Variants in CPA6 observed in about 807,000 individuals in gnomAD.
The protein encoded by CPA6 is carboxypeptidase A6, also known as carboxypeptidase B.
In CPA6, 58 loss-of-function variants were observed where a neutral mutation model predicts 63.3. That is an observed-to-expected ratio of 0.92 (90% CI 0.74 to 1.14). CPA6 has a LOEUF of 1.14. Among genes scored for constraint, CPA6 ranks in the 50% most tolerant of loss-of-function variants. The pLI is 0.00. For missense variants in CPA6, 565 were observed against 526.6 expected (o/e 1.07, Z -0.71); for synonymous variants, 185 against 179.0 (o/e 1.03, Z -0.27).
At chr8:67,677,397 G>A (rs1425369167) in intron 1 of CPA6, among the ~76,000 whole-genome samples, 1 of 145,668 alleles carries the variant, frequency 6.9e-6, no homozygotes, top group African/African-American at 2.6e-5. Flanking sequence ...TATTGTTCTG[G>A]GATCCAGAAT....
Position 67,461,049 on chromosome 8 carries a change from C to CTTT in CPA6, c.838+22716_838+22718dup, listed in dbSNP as rs111558015. Among the ~76,000 whole-genome samples the CTTT allele has an allele frequency of 1.4e-3, 191 of 139,260 alleles. 1 individual carries two copies. Among genetic ancestry groups the CTTT allele is most frequent in the African/African-American group, 4.2e-3 (161 of 38,464 alleles). The allele number at this position is 139,260 out of a possible 152,430, so 91.4% of individuals were successfully genotyped here. On this transcript the variant is annotated intron_variant, in intron 8 of 10. Transcript: ENST00000297770. ...TGGTGGAAGGAGCATAATTCGATTT[C>CTTT]TTTTTTTTTTTTTTTAATTTTAATT...
chr8:67,652,758 T>C (rs1265048703), intron 1 of CPA6, among the ~76,000 whole-genome samples: 1 of 152,148 alleles, frequency 6.6e-6, no homozygotes, highest in Admixed American at 6.5e-5. Context: ...ATCCCATTTG[T>C]CAATTTTGGC....
At chr8:67,594,848 G>T (rs1450681251) in intron 2 of CPA6, among the ~76,000 whole-genome samples, 2 of 152,162 alleles carry the variant, frequency 1.3e-5, no homozygotes, top group African/African-American at 4.8e-5. Context: ...GCTCAGAGTA[G>T]TTTGATCGTC....
chr8:67,483,127 T>A (rs1012400823), intron 8 of CPA6, among the ~76,000 whole-genome samples: 1 of 152,214 alleles, frequency 6.6e-6, no homozygotes, highest in Non-Finnish European at 1.5e-5. Flanking sequence ...ATTTTGATAA[T>A]AATTTTCCAT....
chr8:67,523,587 G>C (rs1812302952), intron 2 of CPA6, among the ~76,000 whole-genome samples: 1 of 152,126 alleles, frequency 6.6e-6, no homozygotes, highest in Non-Finnish European at 1.5e-5. Flanking sequence ...TTCATTAAAT[G>C]ATAAATAATT....
intron 2 of CPA6, among the ~76,000 whole-genome samples, chr8:67,552,597 C>A (rs1325331686): frequency 1.3e-5 from 2 of 151,678 alleles, no homozygotes; most frequent in African/African-American, 2.4e-5. Context: ...CACAGTGAAA[C>A]CCCGCCTCTA....
chr8:67,680,867 CTA>C (rs1816576981), intron 1 of CPA6, among the ~76,000 whole-genome samples: 1 of 152,154 alleles, frequency 6.6e-6, no homozygotes, highest in Admixed American at 6.5e-5. Context: ...ACTCTAATGA[CTA>C]ATTATATTGA....
intron 2 of CPA6, among the ~76,000 whole-genome samples, chr8:67,552,397 G>A (rs184592061): frequency 1.3e-5 from 2 of 152,270 alleles, no homozygotes; most frequent in Admixed American, 1.3e-4. Flanking sequence ...TATGTGCTGA[G>A]TATAGGTGCT....
chr8:67,682,780 C>T (rs2128996159), intron 1 of CPA6, among the ~76,000 whole-genome samples: 1 of 152,310 alleles, frequency 6.6e-6, no homozygotes. Context: ...AGTGCTCTCC[C>T]TGAGAACCTG....
At chr8:67,459,258 C>T (rs1290708235) in intron 8 of CPA6, among the ~76,000 whole-genome samples, 5 of 152,078 alleles carry the variant, frequency 3.3e-5, no homozygotes, top group Non-Finnish European at 7.4e-5. Context: ...CTCCTGGCTC[C>T]AGCTATTTGC....
intron 1 of CPA6, among the ~76,000 whole-genome samples, chr8:67,690,319 C>G (rs546509449): frequency 1.3e-5 from 2 of 152,070 alleles, no homozygotes; most frequent in Non-Finnish European, 2.9e-5. Context: ...TTTAAGATGT[C>G]GATGGCAACA....
chr8:67,579,470 C>T (rs188298170), intron 2 of CPA6, among the ~76,000 whole-genome samples: 16 of 152,266 alleles, frequency 1.1e-4, no homozygotes, highest in Admixed American at 3.3e-4. Flanking sequence ...TGAAATCCCC[C>T]GACTAATCCA....
At chr8:67,478,215 G>C (rs1447842713) in intron 8 of CPA6, among the ~76,000 whole-genome samples, 1 of 152,204 alleles carries the variant, frequency 6.6e-6, no homozygotes, top group Non-Finnish European at 1.5e-5. Flanking sequence ...GCTCCGGATA[G>C]CTGGACACAT....
chr8:67,472,436 T>A (rs1811085077), intron 8 of CPA6, among the ~76,000 whole-genome samples: 1 of 151,234 alleles, frequency 6.6e-6, no homozygotes, highest in Non-Finnish European at 1.5e-5. Context: ...TTTTATTTTA[T>A]TTTATTGAGA....
intron 1 of CPA6, among the ~76,000 whole-genome samples, chr8:67,714,957 T>C (rs1362891822): frequency 2.0e-5 from 3 of 152,210 alleles, no homozygotes; most frequent in Non-Finnish European, 2.9e-5. Context: ...AACAAGGAGC[T>C]ATCATAGGCT....
intron 2 of CPA6, among the ~76,000 whole-genome samples, chr8:67,608,128 C>T (rs1000263612): frequency 3.9e-5 from 6 of 152,122 alleles, no homozygotes; most frequent in African/African-American, 1.4e-4. Context: ...AGAAAAAGCC[C>T]ACATCACTTT....
chr8:67,532,598 C>T (rs1425853428), intron 2 of CPA6, among the ~76,000 whole-genome samples: 1 of 152,058 alleles, frequency 6.6e-6, no homozygotes, highest in Non-Finnish European at 1.5e-5. Flanking sequence ...GTGGGAGGAT[C>T]GCTTGTCTCT....
intron 8 of CPA6, among the ~76,000 whole-genome samples, chr8:67,446,207 A>T (rs7460208): frequency 0.25 from 37,303 of 151,110 alleles, 5,275 homozygotes; most frequent in African/African-American, 0.39. Context: ...CAGAGCTTGC[A>T]GTGAGTGGAG....
Position 67,638,961 on chromosome 8 carries a change from A to G in CPA6, c.117-14710T>C, listed in dbSNP as rs995497916. ...ATGCAGATCATTTCTGGAGGAATCT[A>G]TCTTAAAACCAGGTCTCAAAGTACT... On this transcript the variant is annotated intron_variant, in intron 1 of 10. Coordinates refer to ENST00000297770, the MANE Select transcript of CPA6 (RefSeq NM_020361.5). Among the ~76,000 whole-genome samples the G allele has an allele frequency of 3.3e-5, 5 of 151,626 alleles. No individual in the cohort carries two copies. In the South Asian group the frequency reaches 6.2e-4, roughly 19 times the overall value.
Sources: gnomAD v4.1 joint callset for allele counts (sites outside exome capture counted in the v4.1 genomes callset) on GRCh38, gnomAD v4.1.1 for gene constraint, MANE v1.5 for transcripts, NCBI Gene and HGNC (gene_info 2026-07-23, HGNC 2026-07-21) for gene names.